CCDC93: variants seen among roughly 807,000 people sequenced by gnomAD.
CCDC93 encodes coiled-coil domain-containing protein 93.
A neutral mutation model predicts 108.2 loss-of-function variants in CCDC93; 61 were observed. The ratio of observed to expected loss-of-function variants is 0.56; its 90% CI spans 0.46 to 0.70. The LOEUF (loss-of-function observed/expected upper bound fraction) is 0.70. Ranked by LOEUF, CCDC93 falls within the 30% of genes least tolerant of loss-of-function variation. The pLI is 0.00. For missense variants in CCDC93, 685 were observed against 764.2 expected (o/e 0.90, Z 1.22); for synonymous variants, 276 against 260.4 (o/e 1.06, Z -0.58).
chr2:117,999,718 T>C (rs1358426191), intron 4 of CCDC93: 3 of 152,230 alleles, frequency 2.0e-5, no homozygotes, highest in South Asian at 2.1e-4. Context: ...TCCTCCCCTA[T>C]ATTTTAAATC....
chr2:117,950,699 C>T, intron 13 of CCDC93: 1 of 985,458 alleles, frequency 1.0e-6, no homozygotes, highest in Non-Finnish European at 1.2e-6. Context: ...AGGTGAAAAA[C>T]ATTAATTACG....
intron 23 of CCDC93, among the ~76,000 whole-genome samples, chr2:117,930,228 G>T (rs1678281432): frequency 6.6e-6 from 1 of 152,142 alleles, no homozygotes; most frequent in African/African-American, 2.4e-5. Context: ...CCAAACACCA[G>T]GATACAATCT....
chr2:117,995,403 G>A, intron 6 of CCDC93, 43 bp downstream of exon 6: 1 of 1,439,712 alleles, frequency 6.9e-7, no homozygotes, highest in South Asian at 1.1e-5. Context: ...GCTATCTGAG[G>A]CTACGCAGGA....
chr2:117,984,714 A>G (rs1680260349), intron 7 of CCDC93, among the ~76,000 whole-genome samples: 1 of 152,130 alleles, frequency 6.6e-6, no homozygotes, highest in Non-Finnish European at 1.5e-5. Context: ...GAACTTCTTC[A>G]TTCTGGGACA....
intron 1 of CCDC93, among the ~76,000 whole-genome samples, chr2:118,011,697 C>A (rs902022577): frequency 9.2e-5 from 14 of 152,272 alleles, no homozygotes; most frequent in African/African-American, 3.4e-4. Context: ...AGGATCATCA[C>A]TGCCTCAACA....
In CCDC93 at chr2:117,977,740, C is replaced by T. The variant is rs185357406; in HGVS notation, c.657+254G>A. 3.0e-3 allele frequency among the ~76,000 whole-genome samples: 464 copies of T among 152,288 alleles called. 14 individuals are homozygous for T. The highest frequency in any genetic ancestry group is 0.028 in the Admixed American group (427 of 15,304). ...TTCATACTGCAGAGCCACTAGACCC[C>T]AAGTGACTGACCCTAGGCCACAACT... On this transcript the variant is annotated intron_variant, in intron 8 of 23. Coordinates refer to ENST00000376300, the MANE Select transcript of CCDC93 (RefSeq NM_019044.5).
chr2:117,959,038 G>A (rs375948570), intron 11 of CCDC93, among the ~76,000 whole-genome samples: 18 of 152,326 alleles, frequency 1.2e-4, no homozygotes, highest in African/African-American at 3.8e-4. Flanking sequence ...GCTGAGAGAG[G>A]TCAGGTAGGA....
chr2:118,009,015 T>C (rs576713241), intron 1 of CCDC93: 1 of 178,562 alleles, frequency 5.6e-6, no homozygotes, highest in East Asian at 1.5e-4. Flanking sequence ...TCTTCTCAAA[T>C]GGATTATGAC....
rs775612992 is a variant in CCDC93 at position 117,968,476 on chromosome 2, GC to G, written c.888+5431del. 4.6e-5 allele frequency among the ~76,000 whole-genome samples: 7 copies of G among 152,308 alleles called. No individual in the cohort carries two copies. The East Asian group carries it at 7.7e-4, about 17-fold the overall frequency. ...AAACAATGGCAGATGGAGCTACTCA[GC>G]CTAGAGTCTACGGACACTCATGAAT... On this transcript the variant is annotated intron_variant, in intron 11 of 23. Transcript: ENST00000376300.
At chr2:117,996,129 T>A (rs1246490792) in intron 5 of CCDC93, 135 bp downstream of exon 5, 4 of 544,196 alleles carry the variant, frequency 7.4e-6, no homozygotes, top group Admixed American at 6.4e-5. Flanking sequence ...AGTGGCTATG[T>A]AAAGAAGCAC....
At chr2:117,948,054 A>C in intron 15 of CCDC93, 51 bp downstream of exon 15, 992 of 1,367,706 alleles carry the variant, frequency 7.3e-4, no homozygotes, top group Non-Finnish European at 9.3e-4. Context: ...AGGTAAACCA[A>C]GAGATTCAAT....
intron 3 of CCDC93, among the ~76,000 whole-genome samples, chr2:118,005,745 T>A: frequency 1.2e-5 from 1 of 81,708 alleles, no homozygotes. Flanking sequence ...AGAGTGAGAC[T>A]CTGTCTCAAA....
intron 6 of CCDC93, among the ~76,000 whole-genome samples, chr2:117,991,914 A>G (rs1680486201): frequency 6.6e-6 from 1 of 152,212 alleles, no homozygotes. Flanking sequence ...GATATGCACC[A>G]CAGCCCTAGA....
At chr2:117,950,480 A>C (rs1210720062) in intron 13 of CCDC93, 1 of 985,312 alleles carries the variant, frequency 1.0e-6, no homozygotes. Flanking sequence ...GTCAGGCACC[A>C]CTGCTGTCTG....
At chr2:117,987,492 C>T (rs920066162) in intron 6 of CCDC93, among the ~76,000 whole-genome samples, 5 of 152,214 alleles carry the variant, frequency 3.3e-5, no homozygotes, top group Non-Finnish European at 5.9e-5. Context: ...CTATAAAGAG[C>T]TATTGCTAAG....
At chr2:117,929,990 AAGG>A (rs1399523619) in intron 23 of CCDC93, among the ~76,000 whole-genome samples, 1 of 152,154 alleles carries the variant, frequency 6.6e-6, no homozygotes, top group Non-Finnish European at 1.5e-5. Flanking sequence ...TATGCTCCTT[AAGG>A]AGGAGGAGGT....
chr2:118,002,004 T>A (rs1160573933), intron 3 of CCDC93, among the ~76,000 whole-genome samples: 2 of 152,128 alleles, frequency 1.3e-5, no homozygotes, highest in Non-Finnish European at 2.9e-5. Flanking sequence ...CTTGTGGACA[T>A]CTGGAGAAAT....
intron 15 of CCDC93, among the ~76,000 whole-genome samples, chr2:117,947,672 A>AATAACTGCTGG (rs1678914811): frequency 6.6e-6 from 1 of 151,414 alleles, no homozygotes; most frequent in South Asian, 2.1e-4. Context: ...ACAACTGACA[A>AATAACTGCTGG]ATAACTGCTG....
intron 2 of CCDC93, 44 bp from the exon 3 acceptor site, chr2:118,006,860 G>C (rs528168665): frequency 7.9e-7 from 1 of 1,262,700 alleles, no homozygotes; most frequent in South Asian, 1.2e-5. Context: ...TTTTAGTTTG[G>C]GGAGAATGGA....
Sources: gnomAD v4.1 joint callset for allele counts (sites outside exome capture counted in the v4.1 genomes callset) on GRCh38, gnomAD v4.1.1 for gene constraint, MANE v1.5 for transcripts, NCBI Gene and HGNC (gene_info 2026-07-23, HGNC 2026-07-21) for gene names.